Variants in DAPK1 observed in about 807,000 individuals in gnomAD.
DAPK1 encodes death associated protein kinase 1, also known as death-associated protein kinase 1.
A neutral mutation model predicts 144.9 loss-of-function variants in DAPK1; 56 were observed. The observed-to-expected ratio is 0.39, with a 90% CI of 0.31 to 0.48. DAPK1 has a LOEUF of 0.48. Ranked by LOEUF, DAPK1 falls within the 20% of genes least tolerant of loss-of-function variation. The probability of loss-of-function intolerance (pLI) is 0.95; values close to 1 mark genes in which losing one functional copy is unlikely to be tolerated. For missense variants in DAPK1, 1,454 were observed against 1,875.4 expected (o/e 0.78, Z 4.15); for synonymous variants, 690 against 749.0 (o/e 0.92, Z 1.29).
At chr9:87,528,238 A>G (rs7038008) in intron 2 of DAPK1, among the ~76,000 whole-genome samples, 7,344 of 145,392 alleles carry the variant, frequency 0.051, 606 homozygotes, top group African/African-American at 0.18. Context: ...TTTTTTTGAG[A>G]CAAAATTTCT....
chr9:87,604,965 C>T lies in DAPK1; in HGVS notation c.74C>T (p.Ala25Val), dbSNP rs775973031. ...TCTTCTCTTTTCAGTGGACAGTTTG[C>T]GGTTGTGAAGAAATGCCGTGAGAAA... ...TGEELGSGQF[A>V]VVKKCREKST... The change falls in exon 3 of 26, where the codon GCG becomes GTG. Residue 25 changes from alanine to valine, a missense_variant. Coordinates refer to ENST00000408954, the MANE Select transcript of DAPK1 (RefSeq NM_004938.4). 6 of 1,613,722 alleles carry T rather than the reference C, an allele frequency of 3.7e-6. No individual in the cohort carries two copies. The highest frequency in any genetic ancestry group is 5.1e-6 in the Non-Finnish European group (6 of 1,179,756).
At chr9:87,549,823 G>A (rs541983300) in intron 2 of DAPK1, among the ~76,000 whole-genome samples, 2 of 152,074 alleles carry the variant, frequency 1.3e-5, no homozygotes, top group Admixed American at 1.3e-4. Context: ...GAAAAGTGGG[G>A]GAAAAAAGTA....
At chr9:87,561,188 C>T (rs1826902849) in intron 2 of DAPK1, among the ~76,000 whole-genome samples, 2 of 152,084 alleles carry the variant, frequency 1.3e-5, no homozygotes, top group African/African-American at 4.8e-5. Context: ...TTTTGGGCAG[C>T]AAGAGTTGAG....
intron 2 of DAPK1, among the ~76,000 whole-genome samples, chr9:87,565,688 C>T (rs1300135630): frequency 2.6e-5 from 4 of 152,182 alleles, no homozygotes; most frequent in African/African-American, 9.7e-5. Context: ...GAACCCAGAC[C>T]TACCATTTTC....
chr9:87,631,025 C>T (rs995048355), intron 3 of DAPK1, among the ~76,000 whole-genome samples: 4 of 152,140 alleles, frequency 2.6e-5, no homozygotes, highest in Admixed American at 2.6e-4. Context: ...CTTCAAGTCA[C>T]CCACCCCTTG....
intron 3 of DAPK1, among the ~76,000 whole-genome samples, chr9:87,629,334 C>G (rs1829587082): frequency 6.6e-6 from 1 of 152,144 alleles, no homozygotes; most frequent in Non-Finnish European, 1.5e-5. Flanking sequence ...GGCAAAGCCC[C>G]AGAAGCTGGG....
intron 3 of DAPK1, among the ~76,000 whole-genome samples, chr9:87,617,464 T>G (rs571704412): frequency 1.4e-4 from 21 of 152,192 alleles, no homozygotes; most frequent in African/African-American, 4.1e-4. Flanking sequence ...GACATCCACG[T>G]TTATAATGGA....
intron 2 of DAPK1, among the ~76,000 whole-genome samples, chr9:87,522,806 T>C (rs7852326): frequency 0.6 from 91,212 of 152,046 alleles, 27,761 homozygotes; most frequent in Middle Eastern, 0.71. Flanking sequence ...TGATTCTTGC[T>C]ACTTTGATAA....
chr9:87,622,919 A>G (rs1022791491), intron 3 of DAPK1, among the ~76,000 whole-genome samples: 2 of 152,124 alleles, frequency 1.3e-5, no homozygotes, highest in Non-Finnish European at 2.9e-5. Flanking sequence ...TCTAAAAAAA[A>G]AATAAATAAT....
At chr9:87,554,450 A>T (rs1226992064) in intron 2 of DAPK1, 1 of 133,464 alleles carries the variant, frequency 7.5e-6, no homozygotes, top group Non-Finnish European at 1.6e-5. Flanking sequence ...TAATACTAAA[A>T]AAAAAAAAAG....
intron 20 of DAPK1, among the ~76,000 whole-genome samples, chr9:87,683,957 C>T (rs1190858486): frequency 6.6e-6 from 1 of 152,144 alleles, no homozygotes; most frequent in Non-Finnish European, 1.5e-5. Context: ...GGTGGTTGCC[C>T]CTGAAGCCTG....
In DAPK1 at chr9:87,510,213, GT is replaced by G. The variant is rs1364232622; in HGVS notation, c.62+11075del. ...GCTTGACACGTATGGAGCAGACAGG[GT>G]AATGTCAGCCTCGTGGCCATGGAGA... On this transcript the variant is annotated intron_variant, in intron 2 of 25. Coordinates refer to ENST00000408954, the MANE Select transcript of DAPK1 (RefSeq NM_004938.4). Among the ~76,000 whole-genome samples the G allele has an allele frequency of 4.6e-5, 7 of 152,272 alleles. No individual in the cohort carries two copies. The East Asian group carries it at 5.8e-4, about 13-fold the overall frequency.
intron 2 of DAPK1, among the ~76,000 whole-genome samples, chr9:87,541,431 C>T (rs1826047585): frequency 1.3e-5 from 2 of 151,910 alleles, no homozygotes; most frequent in Non-Finnish European, 1.5e-5. Context: ...TGCCTGTAAT[C>T]CCAGTTGTTC....
chr9:87,595,017 T>G (rs1322768181), intron 2 of DAPK1, among the ~76,000 whole-genome samples: 2 of 152,226 alleles, frequency 1.3e-5, no homozygotes, highest in African/African-American at 2.4e-5. Flanking sequence ...GTGATTGGCA[T>G]CCTGCCTTAG....
At chr9:87,691,337 C>T (rs766378484) in intron 21 of DAPK1, among the ~76,000 whole-genome samples, 1 of 151,790 alleles carries the variant, frequency 6.6e-6, no homozygotes, top group East Asian at 1.9e-4. Context: ...AGTTGTAATA[C>T]CTTACTTTTC....
At chr9:87,658,570 G>A (rs1042644161) in intron 18 of DAPK1, among the ~76,000 whole-genome samples, 7 of 152,270 alleles carry the variant, frequency 4.6e-5, no homozygotes, top group South Asian at 2.1e-4. Context: ...GCCAGGTGCC[G>A]TAAGCAGGAG....
At chr9:87,527,941 T>C (rs1825572771) in intron 2 of DAPK1, among the ~76,000 whole-genome samples, 1 of 152,246 alleles carries the variant, frequency 6.6e-6, no homozygotes, top group Non-Finnish European at 1.5e-5. Flanking sequence ...AATCCTCCTT[T>C]CTACTGACTT....
At chr9:87,580,196 A>G (rs905866494) in intron 2 of DAPK1, among the ~76,000 whole-genome samples, 16 of 152,200 alleles carry the variant, frequency 1.1e-4, no homozygotes, top group Admixed American at 1.0e-3. Context: ...CTTCACGGTC[A>G]TTGATGAAAC....
chr9:87,642,301 G>T (rs1001208287), intron 10 of DAPK1, among the ~76,000 whole-genome samples: 10 of 152,144 alleles, frequency 6.6e-5, no homozygotes, highest in Non-Finnish European at 1.5e-4. Context: ...ACTATTCTCA[G>T]TGCAAATTTT....
Sources: allele counts gnomAD v4.1 joint callset (sites outside exome capture counted in the v4.1 genomes callset), GRCh38; gene constraint gnomAD v4.1.1; transcripts MANE v1.5; gene names NCBI Gene and HGNC (gene_info 2026-07-23, HGNC 2026-07-21).